ZBTB20: variants seen among roughly 807,000 people sequenced by gnomAD.
ZBTB20 encodes the protein zinc finger and BTB domain containing 20, also known as zinc finger and BTB domain-containing protein 20.
ZBTB20 carries 9 observed loss-of-function variants against 56.9 expected under a neutral mutation model. The observed-to-expected ratio is 0.16, with a 90% confidence interval of 0.10 to 0.28. The LOEUF (loss-of-function observed/expected upper bound fraction) is 0.28. ZBTB20 is among the 10% of genes least tolerant of loss of function. ZBTB20 has a pLI of 1.00. For synonymous variants in ZBTB20, 417 were observed against 420.7 expected (o/e 0.99, Z 0.11); for missense variants, 655 against 1,003.0 (o/e 0.65, Z 4.69).
chr3:114,784,738 G>C (rs1212247320), intron 5 of ZBTB20, among the ~76,000 whole-genome samples: 1 of 152,164 alleles, frequency 6.6e-6, no homozygotes, highest in Non-Finnish European at 1.5e-5. Flanking sequence ...GTGAATAAAT[G>C]CCAGTTTTTC....
At chr3:114,758,351 T>C (rs548490051) in intron 5 of ZBTB20, among the ~76,000 whole-genome samples, 2 of 152,246 alleles carry the variant, frequency 1.3e-5, no homozygotes, top group Admixed American at 6.5e-5. Context: ...ACATTACAGA[T>C]AAAAAGACCA....
At chr3:114,748,632 G>A (rs537912937) in intron 5 of ZBTB20, among the ~76,000 whole-genome samples, 1 of 152,030 alleles carries the variant, frequency 6.6e-6, no homozygotes, top group Non-Finnish European at 1.5e-5. Flanking sequence ...ACTGCATAAA[G>A]GCAAAGAGGA....
chr3:114,981,003 C>T (rs2078303416), intron 2 of ZBTB20, among the ~76,000 whole-genome samples: 1 of 151,872 alleles, frequency 6.6e-6, no homozygotes, highest in African/African-American at 2.4e-5. Flanking sequence ...TTATCTTTCA[C>T]TTAAAATGAA....
intron 6 of ZBTB20, among the ~76,000 whole-genome samples, chr3:114,577,358 G>A (rs1478679468): frequency 1.3e-5 from 2 of 152,008 alleles, no homozygotes; most frequent in African/African-American, 2.4e-5. Context: ...CAATATCTGC[G>A]AAGTGCAATA....
intron 2 of ZBTB20, among the ~76,000 whole-genome samples, chr3:114,998,866 A>T (rs765933853): frequency 6.6e-6 from 1 of 151,628 alleles, no homozygotes; most frequent in Non-Finnish European, 1.5e-5. Context: ...GTTCAGGAAG[A>T]GGATCTTGTT....
intron 4 of ZBTB20, among the ~76,000 whole-genome samples, chr3:114,841,330 G>A (rs1188338243): frequency 6.6e-6 from 1 of 152,140 alleles, no homozygotes; most frequent in Non-Finnish European, 1.5e-5. Context: ...TAGAACATAT[G>A]CAAAGACCAG....
chr3:114,550,875 C>T (rs1182963193), intron 6 of ZBTB20, among the ~76,000 whole-genome samples: 1 of 152,114 alleles, frequency 6.6e-6, no homozygotes, highest in Non-Finnish European at 1.5e-5. Flanking sequence ...CTCAGCGTCC[C>T]GAGTAGCTGT....
rs2079361522 is a variant in ZBTB20 at position 114,333,981 on chromosome 3, T to C, written c.*5024A>G. ...AAGAATTCTTTTAGAAGATTTCTTT[T>C]AAGAGTCAGGTCACAACAGAAAGGG... On this transcript the variant is annotated 3_prime_UTR_variant, in exon 12 of 12. Coordinates refer to ENST00000675478, the MANE Select transcript of ZBTB20 (RefSeq NM_001348800.3). 1 of 152,208 alleles carries C rather than the reference T, an allele frequency of 6.6e-6. No individual in the cohort carries two copies. The highest frequency in any genetic ancestry group is 6.5e-5 in the Admixed American group (1 of 15,288). 9.4% of individuals were successfully genotyped at this position (152,208 alleles called of 1,614,324 possible). A position where few individuals can be genotyped will look rare whatever the true frequency, so the allele number is the denominator to read the frequency against.
intron 5 of ZBTB20, among the ~76,000 whole-genome samples, chr3:114,764,217 C>T (rs891760191): frequency 1.3e-5 from 2 of 148,902 alleles, no homozygotes; most frequent in African/African-American, 4.9e-5. Context: ...CTGAAGTATC[C>T]TCTCACAACC....
intron 5 of ZBTB20, among the ~76,000 whole-genome samples, chr3:114,800,173 A>G (rs568941739): frequency 5.1e-4 from 78 of 152,026 alleles, no homozygotes; most frequent in African/African-American, 1.8e-3. Flanking sequence ...TTATTACCAA[A>G]ATGTACATTT....
intron 3 of ZBTB20, among the ~76,000 whole-genome samples, chr3:114,918,050 T>C (rs543683549): frequency 7.0e-4 from 107 of 152,232 alleles, no homozygotes; most frequent in Middle Eastern, 3.4e-3. Context: ...AGAATCTACC[T>C]GGTGCTCCAT....
chr3:114,360,953 G>A (rs2081804520), intron 10 of ZBTB20, among the ~76,000 whole-genome samples: 1 of 151,746 alleles, frequency 6.6e-6, no homozygotes, highest in Non-Finnish European at 1.5e-5. Flanking sequence ...CAAAACCTTG[G>A]GAGGTTCTGG....
intron 7 of ZBTB20, among the ~76,000 whole-genome samples, chr3:114,451,228 A>G (rs2091588141): frequency 6.6e-6 from 1 of 150,920 alleles, no homozygotes; most frequent in South Asian, 2.1e-4. Context: ...AAAATCAACG[A>G]TTAAAAAAAG....
At chr3:114,765,525 C>T (rs7650845) in intron 5 of ZBTB20, among the ~76,000 whole-genome samples, 100,566 of 152,008 alleles carry the variant, frequency 0.66, 38,245 homozygotes, top group East Asian at 0.96. Context: ...CCACAACCCT[C>T]ATAAGGAACC....
intron 9 of ZBTB20, 131 bp downstream of exon 9, chr3:114,380,646 G>T: frequency 7.6e-7 from 1 of 1,319,404 alleles, no homozygotes; most frequent in Non-Finnish European, 1.0e-6. Flanking sequence ...TCTGTTGGCT[G>T]CATAAAAAGA....
chr3:114,430,972 G>A (rs1325374100), intron 7 of ZBTB20, among the ~76,000 whole-genome samples: 1 of 152,146 alleles, frequency 6.6e-6, no homozygotes, highest in Non-Finnish European at 1.5e-5. Flanking sequence ...CTAGATGTGG[G>A]GAAAGGTTGT....
chr3:114,664,572 G>A (rs368882485), intron 6 of ZBTB20, among the ~76,000 whole-genome samples: 5 of 150,728 alleles, frequency 3.3e-5, no homozygotes, highest in African/African-American at 1.2e-4. Flanking sequence ...TAGGGAACAG[G>A]TCTCATAGGT....
At chr3:115,066,958 C>A (rs1230282346) in intron 2 of ZBTB20, among the ~76,000 whole-genome samples, 2 of 151,904 alleles carry the variant, frequency 1.3e-5, no homozygotes, top group Admixed American at 6.6e-5. Flanking sequence ...AATATTTTAT[C>A]TTTATCTTTT....
Position 114,477,962 on chromosome 3 carries a change from C to CCTCT in ZBTB20, c.-255+22386_-255+22389dup, listed in dbSNP as rs144916161. Among the ~76,000 whole-genome samples the CCTCT allele has an allele frequency of 1.5e-3, 167 of 111,954 alleles. 1 individual carries two copies. Among genetic ancestry groups the CCTCT allele is most frequent in the Admixed American group, 0.011 (103 of 9,268 alleles). 73.4% of individuals were successfully genotyped at this position (111,954 alleles called of 152,430 possible). Reference sequence around the variant, plus strand: ...CTCTCTCTCTCTCCCTCCCACCCTCCCTCTCTCTCTCTCTCTCTCTTTCTT... The same window carrying CCTCT: ...CTCTCTCTCTCTCCCTCCCACCCTCCCTCTCTCTCTCTCTCTCTCTCTCTTTCTT... On this transcript the variant is annotated intron_variant, in intron 7 of 11. Coordinates refer to ENST00000675478, the MANE Select transcript of ZBTB20 (RefSeq NM_001348800.3).
Sources: allele counts gnomAD v4.1 joint callset (sites outside exome capture counted in the v4.1 genomes callset), GRCh38; gene constraint gnomAD v4.1.1; transcripts MANE v1.5; gene names NCBI Gene and HGNC (gene_info 2026-07-23, HGNC 2026-07-21).